The following RNGTT variants were observed in gnomAD, a reference collection of about 807,000 sequenced individuals.
RNGTT encodes the protein RNA guanylyltransferase and 5'-phosphatase.
A neutral mutation model predicts 79.3 loss-of-function variants in RNGTT; 33 were observed. That is an observed-to-expected ratio of 0.42 (90% CI 0.32 to 0.56). The LOEUF (loss-of-function observed/expected upper bound fraction) is 0.56, where lower values mean the gene tolerates loss of function less well. Among genes scored for constraint, RNGTT ranks in the 20% least tolerant of loss-of-function variants. RNGTT has a pLI of 0.17. For synonymous variants in RNGTT, 222 were observed against 235.9 expected (o/e 0.94, Z 0.54); for missense variants, 497 against 739.1 (o/e 0.67, Z 3.80).
At chr6:88,849,606 A>AC in intron 10 of RNGTT, 149 bp downstream of exon 10, 1 of 553,972 alleles carries the variant, frequency 1.8e-6, no homozygotes, top group South Asian at 5.3e-5. Context: ...AAAAGGAGAT[A>AC]TAAAAGGATT....
chr6:88,853,629 G>A lies in RNGTT; in HGVS notation c.1032C>T (p.Gly344=), dbSNP rs370228981. The part of the protein sequence containing the change: ...RMHLSNTLLD[G]EMIIDRVNGQ... The stretch of plus-strand genomic sequence containing the variant: ...TATAGTATACATAAATATGACTTAC[G>A]CCATCCAAGAGAGTATTTGATAAAT... Residue 344 remains glycine, a splice_region_variant and synonymous_variant, in exon 9 of 16, where the codon GGC becomes GGT. Coordinates refer to ENST00000369485, the MANE Select transcript of RNGTT (RefSeq NM_003800.5). The A allele has an allele frequency of 5.4e-5, 85 of 1,566,682 alleles. No homozygotes were observed. Among genetic ancestry groups the A allele is most frequent in the Admixed American group, 1.3e-4 (7 of 52,120 alleles).
intron 14 of RNGTT, among the ~76,000 whole-genome samples, chr6:88,640,556 A>G (rs563281429): frequency 7.0e-5 from 10 of 142,158 alleles, no homozygotes; most frequent in East Asian, 3.9e-4. Flanking sequence ...CAAAAAAAAA[A>G]AAAAGAAAAG....
At chr6:88,769,981 TA>T in intron 12 of RNGTT, 107 bp from the exon 13 acceptor site, 1 of 682,104 alleles carries the variant, frequency 1.5e-6, no homozygotes, top group Non-Finnish European at 2.4e-6. Context: ...ACTTCTTTTC[TA>T]AACATAATTT....
chr6:88,848,770 G>A (rs1781570862), intron 10 of RNGTT, among the ~76,000 whole-genome samples: 1 of 151,984 alleles, frequency 6.6e-6, no homozygotes, highest in South Asian at 2.1e-4. Context: ...TTTGAGATTA[G>A]GAGAGAGGTG....
chr6:88,910,469 T>C (rs1783794200), intron 4 of RNGTT, among the ~76,000 whole-genome samples: 1 of 152,028 alleles, frequency 6.6e-6, no homozygotes, highest in Non-Finnish European at 1.5e-5. Context: ...CTTCAACAAA[T>C]GAACAAAGCC....
At position 88,633,628 on chromosome 6, in the gene RNGTT, G is replaced by GT. The variant is rs1296178614; in HGVS notation, c.1507-19234dup. On this transcript the variant is annotated intron_variant, in intron 14 of 15. Transcript: ENST00000369485. ...GGCACAGTAAGTGCTCAACTAAAAT[G>GT]TTTTTTTTTAACATTTAAAAAATAC... 6.5e-4 allele frequency among the ~76,000 whole-genome samples: 98 copies of GT among 150,908 alleles called. 1 individual carries two copies. The highest frequency in any genetic ancestry group is 3.4e-3 in the Admixed American group (52 of 15,134).
At chr6:88,823,941 A>C (rs1204407452) in intron 11 of RNGTT, among the ~76,000 whole-genome samples, 2 of 152,198 alleles carry the variant, frequency 1.3e-5, no homozygotes, top group African/African-American at 2.4e-5. Context: ...AATACAAGAA[A>C]TAAAAACACT....
At chr6:88,913,294 T>C (rs1252730250) in intron 4 of RNGTT, among the ~76,000 whole-genome samples, 1 of 149,652 alleles carries the variant, frequency 6.7e-6, no homozygotes, top group Non-Finnish European at 1.5e-5. Flanking sequence ...AAAGAAGAGC[T>C]GGTACCAATC....
chr6:88,614,482 TA>T (rs1772148479), intron 14 of RNGTT, 87 bp from the exon 15 acceptor site: 2 of 1,239,916 alleles, frequency 1.6e-6, no homozygotes, highest in African/African-American at 3.0e-5. Context: ...TAGGAAATGA[TA>T]AAAATACCTC....
At chr6:88,811,006 G>C (rs1028940310) in intron 11 of RNGTT, among the ~76,000 whole-genome samples, 20 of 152,194 alleles carry the variant, frequency 1.3e-4, no homozygotes, top group Non-Finnish European at 2.6e-4. Context: ...ATTTAAATGT[G>C]ATGACATAAT....
chr6:88,694,336 TCAA>T (rs1775583580), intron 13 of RNGTT, among the ~76,000 whole-genome samples: 1 of 151,834 alleles, frequency 6.6e-6, no homozygotes, highest in South Asian at 2.1e-4. Context: ...AAAAATGAAA[TCAA>T]CAATCCCATT....
chr6:88,728,814 A>T (rs2127818431), intron 13 of RNGTT, among the ~76,000 whole-genome samples: 1 of 152,356 alleles, frequency 6.6e-6, no homozygotes, highest in South Asian at 2.1e-4. Context: ...AGACCAAAAT[A>T]GCTATTGTAG....
chr6:88,747,839 G>C (rs984284932), intron 13 of RNGTT, among the ~76,000 whole-genome samples: 3 of 152,168 alleles, frequency 2.0e-5, no homozygotes, highest in Non-Finnish European at 4.4e-5. Context: ...GAAGCTAACA[G>C]GTAAGCCAAC....
At chr6:88,787,831 C>T (rs1397690537) in intron 12 of RNGTT, among the ~76,000 whole-genome samples, 3 of 151,956 alleles carry the variant, frequency 2.0e-5, no homozygotes, top group Non-Finnish European at 4.4e-5. Flanking sequence ...TTAAGAGATA[C>T]TTAAAAGATA....
chr6:88,785,526 G>C (rs1029148968), intron 12 of RNGTT, among the ~76,000 whole-genome samples: 2 of 151,806 alleles, frequency 1.3e-5, no homozygotes, highest in East Asian at 1.9e-4. Context: ...TTTCTTTCTT[G>C]GCACTTTGCT....
chr6:88,826,187 G>T (rs769884159), intron 11 of RNGTT, among the ~76,000 whole-genome samples: 1 of 152,188 alleles, frequency 6.6e-6, no homozygotes, highest in Admixed American at 6.5e-5. Context: ...GTTTACAACC[G>T]ATAGCATCTT....
intron 11 of RNGTT, among the ~76,000 whole-genome samples, chr6:88,825,288 G>A (rs968029800): frequency 6.6e-6 from 1 of 152,232 alleles, no homozygotes; most frequent in Admixed American, 6.5e-5. Flanking sequence ...CTGAAGAGGA[G>A]GGGGTTACAC....
In RNGTT at chr6:88,890,500, A is replaced by T; in HGVS notation, c.891T>A (p.Gly297=). The change falls in exon 8 of 16, where the codon GGT becomes GGA. Residue 297 remains glycine, a synonymous_variant. Transcript: ENST00000369485. The part of the protein sequence containing the change: ...KPYKVSWKAD[G]TRYMMLIDGT... ...TTTTTAGAAGTCTAACTTACCGAGTACCATCTGCTTTCCAGCTTACTTTGT... is the reference window on the plus strand; with the variant it reads ...TTTTTAGAAGTCTAACTTACCGAGTTCCATCTGCTTTCCAGCTTACTTTGT... 6.2e-7 allele frequency: 1 copy of T among 1,602,664 alleles called. No individual in the cohort carries two copies.
At chr6:88,793,173 A>G (rs1204820684) in intron 12 of RNGTT, among the ~76,000 whole-genome samples, 1 of 152,220 alleles carries the variant, frequency 6.6e-6, no homozygotes, top group Non-Finnish European at 1.5e-5. Context: ...TGTGCTTTTA[A>G]GAAATAAAAA....
Sources: gnomAD v4.1 joint callset for allele counts (sites outside exome capture counted in the v4.1 genomes callset) on GRCh38, gnomAD v4.1.1 for gene constraint, MANE v1.5 for transcripts, NCBI Gene and HGNC (gene_info 2026-07-23, HGNC 2026-07-21) for gene names.